Variants in TMT1A observed in about 807,000 individuals in gnomAD.
TMT1A encodes thiol methyltransferase 1A.
the TMT1A span, among the ~76,000 whole-genome samples, chr12:50,926,315 T>C: frequency 3.3e-5 from 5 of 152,198 alleles, no homozygotes; most frequent in Non-Finnish European, 7.3e-5. Context: ...TTACCTATTA[T>C]ACTGTTAGGG....
At chr12:50,930,149 A>C in the TMT1A span, 1 of 1,596,914 alleles carries the variant, frequency 6.3e-7, no homozygotes, top group Non-Finnish European at 8.6e-7. Flanking sequence ...GCTGTGAAAT[A>C]GTGTGAGCTG....
At chr12:50,926,045 A>AAAAG in the TMT1A span, among the ~76,000 whole-genome samples, 4 of 126,238 alleles carry the variant, frequency 3.2e-5, no homozygotes, top group South Asian at 2.5e-4. Context: ...AAAAAGAAAG[A>AAAAG]AAGAAAAAAA....
At chr12:50,931,547 A>C in the TMT1A span, 2 of 97,902 alleles carry the variant, frequency 2.0e-5, no homozygotes, top group South Asian at 4.2e-4. Context: ...CTAAAGATAC[A>C]AAAAAAAAAA....
At chr12:50,930,082 C>T in the TMT1A span, 1 of 1,614,086 alleles carries the variant, frequency 6.2e-7, no homozygotes, top group Admixed American at 1.7e-5. Context: ...GCTGAAGCTG[C>T]AGCACATCCA....
At chr12:50,926,832 G>T in the TMT1A span, among the ~76,000 whole-genome samples, 1 of 152,154 alleles carries the variant, frequency 6.6e-6, no homozygotes, top group Non-Finnish European at 1.5e-5. Flanking sequence ...TTCAGGGAAA[G>T]AATTACTTTT....
the TMT1A span, among the ~76,000 whole-genome samples, chr12:50,927,949 C>T: frequency 3.9e-5 from 6 of 152,264 alleles, no homozygotes; most frequent in South Asian, 2.1e-4. Context: ...CTCAGCCTCC[C>T]GAGTAGCTGG....
chr12:50,930,279 T>TG, the TMT1A span: 1 of 698,216 alleles, frequency 1.4e-6, no homozygotes, highest in African/African-American at 1.8e-5. Context: ...TGTTGGTTTT[T>TG]TTTTTTTTTT....
chr12:50,927,750 A>T, the TMT1A span, among the ~76,000 whole-genome samples: 1 of 152,244 alleles, frequency 6.6e-6, no homozygotes, highest in Non-Finnish European at 1.5e-5. Flanking sequence ...TAGGACAAAG[A>T]AACAGACTCA....
chr12:50,925,107 C>A, the TMT1A span: 19 of 1,614,070 alleles, frequency 1.2e-5, no homozygotes, highest in Non-Finnish European at 1.6e-5. Flanking sequence ...ACCTGCTGAA[C>A]TTTCTGGGCT....
the TMT1A span, chr12:50,932,233 G>A: frequency 6.6e-6 from 1 of 152,292 alleles, no homozygotes; most frequent in Admixed American, 6.5e-5. Context: ...AGCAATCTGT[G>A]AGTCTGTAAA....
chr12:50,930,212 A>C, the TMT1A span: 19 of 1,367,094 alleles, frequency 1.4e-5, no homozygotes, highest in African/African-American at 2.3e-4. Flanking sequence ...TTTACATTTA[A>C]AATGCTAAGT....
chr12:50,929,792 AGAACTCTACGGTTC>A, the TMT1A span: 1 of 836,636 alleles, frequency 1.2e-6, no homozygotes, highest in Non-Finnish European at 1.9e-6. Context: ...CCTCCTGCTC[AGAACTCTACGGTTC>A]TCTCACAGGT....
chr12:50,930,217 C>T, the TMT1A span: 10 of 1,295,958 alleles, frequency 7.7e-6, no homozygotes, highest in Admixed American at 7.7e-5. Flanking sequence ...ATTTAAAATG[C>T]TAAGTGGGAG....
At chr12:50,925,314 C>T in the TMT1A span, 1 of 1,614,092 alleles carries the variant, frequency 6.2e-7, no homozygotes, top group Non-Finnish European at 8.5e-7. Context: ...CACCTGGGTG[C>T]AGGGTGACCT....
the TMT1A span, chr12:50,925,365 G>GAGC: frequency 6.2e-7 from 1 of 1,614,210 alleles, no homozygotes; most frequent in Non-Finnish European, 8.5e-7. Flanking sequence ...TTTTGATCAA[G>GAGC]AGCATTGCAG....
the TMT1A span, chr12:50,925,616 A>G: frequency 6.9e-7 from 1 of 1,449,622 alleles, no homozygotes; most frequent in Non-Finnish European, 9.2e-7. Context: ...CAGGTGGCTG[A>G]AACATTTTAA....
chr12:50,927,755 G>C, the TMT1A span, among the ~76,000 whole-genome samples: 2 of 152,204 alleles, frequency 1.3e-5, no homozygotes, highest in Non-Finnish European at 2.9e-5. Flanking sequence ...CAAAGAAACA[G>C]ACTCAGAGAG....
At chr12:50,926,835 T>C in the TMT1A span, among the ~76,000 whole-genome samples, 808 of 152,336 alleles carry the variant, frequency 5.3e-3, 4 homozygotes, top group African/African-American at 0.019. Flanking sequence ...AGGGAAAGAA[T>C]TACTTTTCAT....
chr12:50,928,939 A>AC, the TMT1A span, among the ~76,000 whole-genome samples: 1 of 152,072 alleles, frequency 6.6e-6, no homozygotes, highest in African/African-American at 2.4e-5. Context: ...TCCTATGAAG[A>AC]TTTTTTTTAA....
Sources: allele counts gnomAD v4.1 joint callset (sites outside exome capture counted in the v4.1 genomes callset), GRCh38; gene constraint gnomAD v4.1.1; transcripts MANE v1.5; gene names NCBI Gene and HGNC (gene_info 2026-07-23, HGNC 2026-07-21).